Variants in RABEP2 observed in about 807,000 individuals in gnomAD.
The protein encoded by RABEP2 is rabaptin, RAB GTPase binding effector protein 2.
Under a neutral mutation model 74.1 loss-of-function variants are expected in RABEP2, and 57 were observed. The observed-to-expected ratio is 0.77, with a 90% CI of 0.62 to 0.96. RABEP2 has a LOEUF of 0.96. RABEP2 is among the 40% of genes least tolerant of loss of function. The probability of loss-of-function intolerance (pLI) is 0.00; values close to 1 mark genes in which losing one functional copy is unlikely to be tolerated. For missense variants in RABEP2, 692 were observed against 756.3 expected, an observed-to-expected ratio of 0.91 and a Z score of 1.00; for synonymous variants, 351 against 344.0, an observed-to-expected ratio of 1.02 and a Z score of -0.23.
In RABEP2 at chr16:28,911,166, T is replaced by G; in HGVS notation, c.908A>C (p.Gln303Pro). The G allele has an allele frequency of 6.2e-7, 1 of 1,610,682 alleles. No individual in the cohort carries two copies. Among genetic ancestry groups the G allele is most frequent in the South Asian group, 1.1e-5 (1 of 91,066 alleles). ...EQLQTEGRQL[Q>P]KDLESVSRER... ...GCGACTGACGCTCTCCAGGTCCTTC[T>G]GCAGCTGTCGGCCCTGCCACAGACC... The change falls in exon 6 of 13, where the codon CAG (glutamine) becomes CCG (proline). Residue 303 changes from glutamine (Q) to proline (P), a missense_variant. By Grantham distance (76) the Gln-to-Pro change is moderately conservative (BLOSUM62 -1). Coordinates refer to ENST00000358201, the MANE Select transcript of RABEP2 (RefSeq NM_024816.3).
chr16:28,909,803 T>C (rs1964285883), intron 7 of RABEP2, among the ~76,000 whole-genome samples: 1 of 150,206 alleles, frequency 6.7e-6, no homozygotes, highest in Admixed American at 6.6e-5. Context: ...GACGGGTGGA[T>C]CACGAGGTCA....
chr16:28,921,647 ATTTTT>A (rs56325875), intron 2 of RABEP2, among the ~76,000 whole-genome samples: 14 of 113,398 alleles, frequency 1.2e-4, no homozygotes, highest in Non-Finnish European at 1.9e-4. Context: ...TAGAACATAG[ATTTTT>A]TTTTTTTTTT....
At chr16:28,916,673 CAAAAAAAAAAAA>C (rs74392921) in intron 3 of RABEP2, among the ~76,000 whole-genome samples, 1 of 48,676 alleles carries the variant, frequency 2.1e-5, no homozygotes, top group South Asian at 8.0e-4. Flanking sequence ...CTCTTGTCTC[CAAAAAAAAAAAA>C]AAAAAAAAAA....
In RABEP2 at chr16:28,908,660, C is replaced by T; in HGVS notation, c.1194G>A (p.Gln398=). The stretch of plus-strand genomic sequence containing the variant: ...CCTCGCCCTGCTCCTGCTGCGAGCC[C>T]TGGGGGGCTGAGGATGGCAGCTGCT... The part of the protein sequence containing the change: ...RAEQLPSSAP[Q]GSQQEQGEEE... Residue 398 remains glutamine (Q), a synonymous_variant, in exon 8 of 13, where the codon CAG becomes CAA. Transcript: ENST00000358201. 1 of 1,614,186 alleles carries T rather than the reference C, an allele frequency of 6.2e-7. No homozygotes were observed. Among genetic ancestry groups the T allele is most frequent in the Admixed American group, 1.7e-5 (1 of 60,018 alleles).
At chr16:28,910,241 A>G (rs1964293458) in intron 7 of RABEP2, 1 of 149,496 alleles carries the variant, frequency 6.7e-6, no homozygotes, top group Non-Finnish European at 1.5e-5. Context: ...GGCCCTGTTC[A>G]ATCACGTATG....
Position 28,924,570 on chromosome 16 carries a change from T to G in RABEP2, c.107A>C (p.Glu36Ala), listed in dbSNP as rs374962203. Residue 36 changes from glutamate to alanine, a missense_variant, in exon 2 of 13, where the codon GAG (glutamate) becomes GCG (alanine). Coordinates refer to ENST00000358201, the MANE Select transcript of RABEP2 (RefSeq NM_024816.3). ...CCGAAGCCGGCTGAGCTCACCTGAC[T>G]CGGCCTCACCATTTGCCCCTTCCTG... ...RSQEGANGEAESGELSRLRAE... is the reference protein window; with the variant it reads ...RSQEGANGEAASGELSRLRAE... 1 of 1,613,482 alleles carries G rather than the reference T, an allele frequency of 6.2e-7. No homozygotes were observed. Among genetic ancestry groups the G allele is most frequent in the Non-Finnish European group, 8.5e-7 (1 of 1,179,998 alleles).
rs866094609 is a variant in RABEP2 at position 28,906,151 on chromosome 16, G to A, written c.1291C>T (p.Arg431Trp). Reference protein sequence around the residue: ...LCCTRQEARARLQAQEHGAER... With the variant: ...LCCTRQEARAWLQAQEHGAER... ...GCCCCGTGCTCCTGGGCCTGCAGCC[G>A]GGCCCTCGCCTCTTGCCGCGTGCAG... The change falls in exon 9 of 13, where the codon CGG (arginine) becomes TGG (tryptophan). Residue 431 changes from arginine to tryptophan, a missense_variant. Coordinates refer to ENST00000358201, the MANE Select transcript of RABEP2 (RefSeq NM_024816.3). 2.1e-5 allele frequency: 34 copies of A among 1,587,118 alleles called. No homozygotes were observed. Among genetic ancestry groups the A allele is most frequent in the South Asian group, 5.7e-5 (5 of 88,094 alleles).
chr16:28,913,844 G>A (rs1405100235), intron 5 of RABEP2, among the ~76,000 whole-genome samples: 3 of 144,112 alleles, frequency 2.1e-5, no homozygotes, highest in Non-Finnish European at 3.0e-5. Flanking sequence ...TGGGTGGCAC[G>A]ATCTCGGTTC....
Position 28,905,018 on chromosome 16 carries a change from A to G in RABEP2, c.1635T>C (p.Ala545=), listed in dbSNP as rs1450357404. The G allele has an allele frequency of 1.2e-6, 2 of 1,609,826 alleles. No homozygotes were observed. The highest frequency in any genetic ancestry group is 1.7e-5 in the Admixed American group (1 of 59,954). Residue 545 remains alanine (A), a synonymous_variant, in exon 13 of 13, where the codon GCT becomes GCC. Coordinates refer to ENST00000358201, the MANE Select transcript of RABEP2 (RefSeq NM_024816.3). ...LQVRLERIRQ[A]ETLEQVRSIM... Reference sequence around the variant, plus strand: ...TGCTGCGCACTTGCTCCAGGGTCTCAGCCTGGCGGATCCGCTCTAGGCGCA... The same window carrying G: ...TGCTGCGCACTTGCTCCAGGGTCTCGGCCTGGCGGATCCGCTCTAGGCGCA...
Position 28,914,784 on chromosome 16 carries a change from T to C in RABEP2, c.433-2A>G. Reference sequence around the variant, plus strand: ...CAGCTTCTCCGAGTCCTCGTGGGCCTGGAGGGAGCGGGGTGTGGCAGCAAT... The same window carrying C: ...CAGCTTCTCCGAGTCCTCGTGGGCCCGGAGGGAGCGGGGTGTGGCAGCAAT... On this transcript the variant is annotated splice_acceptor_variant, in intron 3 of 12. Transcript: ENST00000358201. LOFTEE classifies it high-confidence loss of function. 1 of 1,613,654 alleles carries C rather than the reference T, an allele frequency of 6.2e-7. No homozygotes were observed.
Position 28,908,639 on chromosome 16 carries a change from G to T in RABEP2, c.1215C>A (p.Gly405=), listed in dbSNP as rs768050280. 1.9e-6 allele frequency: 3 copies of T among 1,613,770 alleles called. No individual in the cohort carries two copies. The highest frequency in any genetic ancestry group is 1.7e-6 in the Non-Finnish European group (2 of 1,179,918). The part of the protein sequence containing the change: ...SAPQGSQQEQ[G]EEESLPSSVP... ...CAGAGCTGGGCAGTGATTCCTCCTC[G>T]CCCTGCTCCTGCTGCGAGCCCTGGG... Residue 405 remains glycine (G), a synonymous_variant, in exon 8 of 13, where the codon GGC becomes GGA. Coordinates refer to ENST00000358201, the MANE Select transcript of RABEP2 (RefSeq NM_024816.3).
Position 28,914,420 on chromosome 16 carries a change from AAGG to A in RABEP2, c.707_709del (p.Ser236del). 3 of 1,613,450 alleles carry A rather than the reference AAGG, an allele frequency of 1.9e-6. No individual in the cohort carries two copies. Among genetic ancestry groups the A allele is most frequent in the African/African-American group, 1.3e-5 (1 of 75,034 alleles). Reference sequence around the variant, plus strand: ...GCTGCCGACCCCACCGCCAAGGGAGAAGGAGGAGATGGAGGCGCTGTCATCGCA... The same window carrying A: ...GCTGCCGACCCCACCGCCAAGGGAGAAGGAGATGGAGGCGCTGTCATCGCA... On this transcript the variant is annotated inframe_deletion, in exon 5 of 13. Transcript: ENST00000358201.
rs1379056330 is a variant in RABEP2, at chr16:28,908,620, TG to T, written c.1233del (p.Ser412AlafsTer36). The T allele has an allele frequency of 6.2e-7, 1 of 1,612,600 alleles. No homozygotes were observed. Among genetic ancestry groups the T allele is most frequent in the African/African-American group, 1.3e-5 (1 of 75,054 alleles). On this transcript the variant is annotated frameshift_variant, in exon 8 of 13. Transcript: ENST00000358201. LOFTEE classifies it high-confidence loss of function. ...CACACTCAGCTTACTGGCACAGAGC[TG>T]GGCAGTGATTCCTCCTCGCCCTGCT... ...QQEQGEEESL[P>X]SSVPELQQLL...
At chr16:28,912,386 C>G (rs1964326167) in intron 5 of RABEP2, among the ~76,000 whole-genome samples, 3 of 151,330 alleles carry the variant, frequency 2.0e-5, no homozygotes. Flanking sequence ...AACACAGCCC[C>G]AAGTAAGCTT....
intron 3 of RABEP2, among the ~76,000 whole-genome samples, chr16:28,918,246 A>AT (rs1036380005): frequency 6.6e-6 from 1 of 151,422 alleles, no homozygotes; most frequent in South Asian, 2.1e-4. Context: ...CGCCTGGCTA[A>AT]TTTTTTTTCC....
At chr16:28,923,940 C>G (rs1012893038) in intron 2 of RABEP2, 2 of 170,590 alleles carry the variant, frequency 1.2e-5, no homozygotes, top group Non-Finnish European at 2.5e-5. Context: ...GTACAAAGAA[C>G]GTGGGGCGGA....
intron 2 of RABEP2, among the ~76,000 whole-genome samples, chr16:28,921,677 G>T (rs1395420362): frequency 6.9e-6 from 1 of 144,882 alleles, no homozygotes; most frequent in Non-Finnish European, 1.5e-5. Context: ...TTTTTTAAGG[G>T]AGTCAGGTTC....
chr16:28,910,617 T>G, intron 7 of RABEP2: 46 of 363,782 alleles, frequency 1.3e-4, no homozygotes, highest in Middle Eastern at 7.8e-4. Context: ...CTAGGGCCCA[T>G]TATGTCAGTT....
chr16:28,924,979 T>C, intron 1 of RABEP2, 124 bp downstream of exon 1: 1 of 1,118,160 alleles, frequency 8.9e-7, no homozygotes, highest in Non-Finnish European at 1.3e-6. Flanking sequence ...CCCGCCCCCT[T>C]TCCCGACGGC....
Sources: allele counts gnomAD v4.1 joint callset (sites outside exome capture counted in the v4.1 genomes callset), GRCh38; gene constraint gnomAD v4.1.1; transcripts MANE v1.5; gene names NCBI Gene and HGNC (gene_info 2026-07-23, HGNC 2026-07-21).